CLOCK: variants seen among roughly 807,000 people sequenced by gnomAD.
CLOCK encodes circadian locomoter output cycles protein kaput.
A neutral mutation model predicts 118.4 loss-of-function variants in CLOCK; 43 were observed. The observed-to-expected ratio is 0.36, with a 90% confidence interval of 0.28 to 0.47. CLOCK has a LOEUF of 0.47. CLOCK is among the 20% of genes least tolerant of loss of function. The probability of loss-of-function intolerance (pLI) is 1.00; values close to 1 mark genes in which losing one functional copy is unlikely to be tolerated. For synonymous variants in CLOCK, 326 were observed against 339.2 expected (o/e 0.96, Z 0.43); for missense variants, 846 against 999.9 (o/e 0.85, Z 2.08).
intron 16 of CLOCK, 108 bp from the exon 17 acceptor site, chr4:55,449,604 T>G: frequency 2.1e-6 from 2 of 931,350 alleles, no homozygotes; most frequent in Non-Finnish European, 3.4e-6. Flanking sequence ...GAATTATTTT[T>G]CCAAACCATT....
intron 16 of CLOCK, 67 bp downstream of exon 16, chr4:55,450,024 G>A: frequency 6.5e-7 from 1 of 1,547,628 alleles, no homozygotes; most frequent in Non-Finnish European, 8.9e-7. Flanking sequence ...GAGAAATGCT[G>A]ATATAAGTAA....
intron 9 of CLOCK, among the ~76,000 whole-genome samples, chr4:55,459,855 TCTCA>T (rs939698227): frequency 1.3e-5 from 2 of 152,010 alleles, no homozygotes; most frequent in African/African-American, 4.8e-5. Flanking sequence ...AGAAATGGGG[TCTCA>T]CTATGTTGCC....
At chr4:55,469,620 T>TTTAAAAAGTTTAAAAA (rs1725992596) in intron 8 of CLOCK, among the ~76,000 whole-genome samples, 1 of 152,206 alleles carries the variant, frequency 6.6e-6, no homozygotes, top group African/African-American at 2.4e-5. Context: ...GTTTTACAAA[T>TTTAAAAAGTTTAAAAA]GTTTAAAAAG....
chr4:55,459,306 A>G (rs754956534), intron 9 of CLOCK, 45 bp from the exon 10 acceptor site: 1 of 1,121,660 alleles, frequency 8.9e-7, no homozygotes. Context: ...CTGATATAAA[A>G]CAATGATTGA....
intron 9 of CLOCK, among the ~76,000 whole-genome samples, chr4:55,462,716 G>A: frequency 6.6e-6 from 1 of 152,134 alleles, no homozygotes; most frequent in East Asian, 1.9e-4. Flanking sequence ...GACTAGAGTG[G>A]CCTAATGGTC....
intron 3 of CLOCK, among the ~76,000 whole-genome samples, chr4:55,483,037 A>T (rs568648244): frequency 6.6e-6 from 1 of 152,328 alleles, no homozygotes; most frequent in South Asian, 2.1e-4. Flanking sequence ...CAAGAAAAAA[A>T]GTAATTCAGG....
Position 55,479,623 on chromosome 4 carries a change from ATC to A in CLOCK, c.107+15_107+16del. 1 of 1,580,398 alleles carries A rather than the reference ATC, an allele frequency of 6.3e-7. No individual in the cohort carries two copies. Reference sequence around the variant, plus strand: ...ATTATTCATTCATTTACTATTTTATATCTCTAATCAAACTACCTTTTCGCTTT... The same window carrying A: ...ATTATTCATTCATTTACTATTTTATATCTAATCAAACTACCTTTTCGCTTT... On this transcript the variant is annotated intron_variant, in intron 5 of 22. Transcript: ENST00000513440.
chr4:55,473,579 G>A (rs181716763), intron 7 of CLOCK, among the ~76,000 whole-genome samples: 62 of 152,112 alleles, frequency 4.1e-4, no homozygotes, highest in African/African-American at 1.4e-3. Flanking sequence ...GACTTGAGAC[G>A]TGGCTATAAT....
intron 7 of CLOCK, among the ~76,000 whole-genome samples, chr4:55,473,316 T>C (rs1200692558): frequency 6.6e-6 from 1 of 152,222 alleles, no homozygotes; most frequent in African/African-American, 2.4e-5. Flanking sequence ...CCAGCTATTA[T>C]GACACACAGA....
chr4:55,444,176 C>A (rs3736545), intron 19 of CLOCK, among the ~76,000 whole-genome samples: 1 of 151,948 alleles, frequency 6.6e-6, no homozygotes, highest in Non-Finnish European at 1.5e-5. Context: ...TATAACATCA[C>A]ACAGAAGTAG....
intron 1 of CLOCK, chr4:55,545,566 C>T (rs1731559077): frequency 6.6e-6 from 1 of 152,066 alleles, no homozygotes; most frequent in African/African-American, 2.4e-5. Context: ...GCTAAAAAGC[C>T]TTAAAGTCTA....
chr4:55,517,566 A>G (rs931523376), intron 1 of CLOCK, among the ~76,000 whole-genome samples: 4 of 152,176 alleles, frequency 2.6e-5, no homozygotes, highest in Non-Finnish European at 4.4e-5. Context: ...ATATTTTGTT[A>G]AGGATTTTTG....
chr4:55,495,417 A>G (rs1194121732), intron 2 of CLOCK, among the ~76,000 whole-genome samples: 1 of 152,048 alleles, frequency 6.6e-6, no homozygotes, highest in East Asian at 1.9e-4. Context: ...GTGAGATAAA[A>G]TATATTTACT....
At chr4:55,501,055 T>C (rs1422800929) in intron 2 of CLOCK, among the ~76,000 whole-genome samples, 1 of 152,126 alleles carries the variant, frequency 6.6e-6, no homozygotes, top group East Asian at 1.9e-4. Flanking sequence ...GGTCTTGCTA[T>C]GTTGCCCAGG....
intron 22 of CLOCK, among the ~76,000 whole-genome samples, chr4:55,435,936 A>G (rs770882075): frequency 1.3e-5 from 2 of 152,246 alleles, no homozygotes; most frequent in African/African-American, 4.8e-5. Context: ...AGTTATGACT[A>G]TATGAAAAAC....
chr4:55,458,794 G>T, intron 11 of CLOCK, 98 bp downstream of exon 11: 2 of 784,882 alleles, frequency 2.5e-6, no homozygotes, highest in South Asian at 1.4e-5. Flanking sequence ...CATATTTAAT[G>T]ACTCATAGCC....
intron 2 of CLOCK, among the ~76,000 whole-genome samples, chr4:55,506,863 T>C (rs1728835652): frequency 6.6e-6 from 1 of 152,166 alleles, no homozygotes; most frequent in African/African-American, 2.4e-5. Flanking sequence ...GCCCGGTCTA[T>C]AGTATATACA....
intron 1 of CLOCK, among the ~76,000 whole-genome samples, chr4:55,529,856 G>C (rs1013040266): frequency 6.6e-6 from 1 of 152,162 alleles, no homozygotes; most frequent in African/African-American, 2.4e-5. Context: ...CTCTTGAAAT[G>C]ATACCAGCAG....
intron 1 of CLOCK, among the ~76,000 whole-genome samples, chr4:55,511,198 T>C (rs3762837): frequency 0.34 from 51,290 of 151,966 alleles, 9,349 homozygotes; most frequent in East Asian, 0.58. Context: ...CACTTTACTA[T>C]GTGTAAAGCC....
Sources: allele counts gnomAD v4.1 joint callset (sites outside exome capture counted in the v4.1 genomes callset), GRCh38; gene constraint gnomAD v4.1.1; transcripts MANE v1.5; gene names NCBI Gene and HGNC (gene_info 2026-07-23, HGNC 2026-07-21).